The following CELF4 variants were observed in gnomAD, a reference collection of about 807,000 sequenced individuals.
CELF4 encodes CUGBP Elav-like family member 4.
CELF4 carries 18 observed loss-of-function variants against 59.9 expected under a neutral mutation model. That is an observed-to-expected ratio of 0.30 (90% confidence interval 0.21 to 0.45). CELF4 has a LOEUF of 0.45. Ranked by LOEUF, CELF4 falls within the 20% of genes least tolerant of loss-of-function variation. CELF4 has a pLI of 1.00. For synonymous variants in CELF4, 261 were observed against 267.1 expected, an observed-to-expected ratio of 0.98 and a Z score of 0.22; for missense variants, 456 against 689.0, an observed-to-expected ratio of 0.66 and a Z score of 3.79.
chr18:37,297,802 G>C (rs1057396769), intron 3 of CELF4, among the ~76,000 whole-genome samples: 2 of 152,336 alleles, frequency 1.3e-5, no homozygotes, highest in Admixed American at 1.3e-4. Flanking sequence ...CTAGTTGTCT[G>C]TGCCTGGCTT....
intron 3 of CELF4, among the ~76,000 whole-genome samples, chr18:37,319,411 G>T (rs1244854113): frequency 6.6e-6 from 1 of 152,196 alleles, no homozygotes; most frequent in Non-Finnish European, 1.5e-5. Context: ...GAGGAGGTGC[G>T]TCTATGCCCT....
chr18:37,286,098 G>C lies in CELF4; in HGVS notation c.449-10855C>G, dbSNP rs538444749. Among the ~76,000 whole-genome samples the C allele has an allele frequency of 2.7e-3, 408 of 152,250 alleles. 3 individuals are homozygous for C. The highest frequency in any genetic ancestry group is 0.02 in the Middle Eastern group (6 of 294). ...AAGCAGGGCTATTCCAGCATGGGCG[G>C]GGGGAGGTTTCTGCAGGGGAGGAGG... On this transcript the variant is annotated intron_variant, in intron 3 of 12. Transcript: ENST00000420428.
rs1209670779 is a variant in CELF4, at chr18:37,259,022, A to AGCTTCAC, written c.1333+158_1333+159insGTGAAGC. ...GCCATGGAGCAGCTGGGGCGGGGGC[A>AGCTTCAC]ATGTGAAGGAGCAGGTTAAAAGCAG... is the stretch of plus-strand genomic sequence containing the variant. On this transcript the variant is annotated intron_variant, in intron 11 of 12. Coordinates refer to ENST00000420428, the MANE Select transcript of CELF4 (RefSeq NM_020180.4). 14 of 1,051,548 alleles carry AGCTTCAC rather than the reference A, an allele frequency of 1.3e-5. No homozygotes were observed. In the Admixed American group the frequency reaches 1.9e-4, roughly 14 times the overall value. The allele number at this position is 1,051,548 out of a possible 1,614,324, so 65.1% of individuals were successfully genotyped here.
At chr18:37,487,312 C>T (rs938976074) in intron 1 of CELF4, among the ~76,000 whole-genome samples, 4 of 152,134 alleles carry the variant, frequency 2.6e-5, no homozygotes, top group South Asian at 2.1e-4. Context: ...GTGAAAGGAA[C>T]GGAGATGAAA....
At chr18:37,320,713 C>T (rs2097082991) in intron 3 of CELF4, among the ~76,000 whole-genome samples, 1 of 152,186 alleles carries the variant, frequency 6.6e-6, no homozygotes, top group African/African-American at 2.4e-5. Flanking sequence ...GGGCAGGGCC[C>T]AGAGGGGATG....
chr18:37,323,142 G>A (rs1448969401), intron 2 of CELF4, among the ~76,000 whole-genome samples: 1 of 152,114 alleles, frequency 6.6e-6, no homozygotes, highest in Non-Finnish European at 1.5e-5. Flanking sequence ...CTGTGACTCA[G>A]CAAGGTGAGC....
chr18:37,472,852 G>T (rs1046729790), intron 2 of CELF4, among the ~76,000 whole-genome samples: 1 of 152,190 alleles, frequency 6.6e-6, no homozygotes, highest in African/African-American at 2.4e-5. Flanking sequence ...AGCCAAACTG[G>T]CTGGGGCTGA....
chr18:37,511,435 C>T (rs190797909), intron 1 of CELF4, among the ~76,000 whole-genome samples: 1 of 152,258 alleles, frequency 6.6e-6, no homozygotes, highest in East Asian at 1.9e-4. Flanking sequence ...AGGCTCTCCT[C>T]TCAGGCCCAG....
At chr18:37,511,888 A>G (rs2099944763) in intron 1 of CELF4, among the ~76,000 whole-genome samples, 2 of 152,040 alleles carry the variant, frequency 1.3e-5, no homozygotes, top group African/African-American at 2.4e-5. Context: ...TCATTTCTGA[A>G]AGCAACTGTT....
intron 1 of CELF4, among the ~76,000 whole-genome samples, chr18:37,509,970 T>C (rs2099942395): frequency 1.3e-5 from 2 of 152,260 alleles, no homozygotes; most frequent in South Asian, 4.1e-4. Context: ...TCCATGGAGA[T>C]AGAAAGAAGA....
chr18:37,245,871 A>G lies in CELF4; in HGVS notation c.*45-674T>C, dbSNP rs1038215237. ...CATACACACACATAATACTTTTCTC[A>G]TACATGCCAGGGAATTTAGAGGAAT... On this transcript the variant is annotated intron_variant, in intron 12 of 12. Coordinates refer to ENST00000420428, the MANE Select transcript of CELF4 (RefSeq NM_020180.4). The surrounding 1 kb of genome is among the most constrained non-coding windows in gnomAD (Gnocchi z 4.1). Among the ~76,000 whole-genome samples the G allele has an allele frequency of 6.6e-5, 10 of 152,236 alleles. No homozygotes were observed. The highest frequency in any genetic ancestry group is 2.4e-4 in the African/African-American group (10 of 41,464).
chr18:37,287,496 C>A (rs9953908), intron 3 of CELF4, among the ~76,000 whole-genome samples: 1 of 152,218 alleles, frequency 6.6e-6, no homozygotes, highest in Non-Finnish European at 1.5e-5. Context: ...TAGGTCAGCA[C>A]GCGGCTTAGC....
intron 2 of CELF4, among the ~76,000 whole-genome samples, chr18:37,427,373 C>T (rs1049433129): frequency 6.6e-6 from 1 of 152,182 alleles, no homozygotes; most frequent in Non-Finnish European, 1.5e-5. Context: ...ACACCCAACT[C>T]GCCAAACCCA....
chr18:37,485,741 G>T (rs1050563129), intron 1 of CELF4, 134 bp from the exon 2 acceptor site: 4 of 428,878 alleles, frequency 9.3e-6, no homozygotes, highest in Non-Finnish European at 1.6e-5. Flanking sequence ...TTTCTCTCCC[G>T]TGCACTGTTC....
intron 1 of CELF4, among the ~76,000 whole-genome samples, chr18:37,510,396 T>G (rs2099942880): frequency 6.6e-6 from 1 of 152,226 alleles, no homozygotes; most frequent in African/African-American, 2.4e-5. Flanking sequence ...TGATCCACTG[T>G]GCAGATTTGT....
intron 1 of CELF4, among the ~76,000 whole-genome samples, chr18:37,533,232 A>C (rs1475174152): frequency 6.6e-6 from 1 of 152,366 alleles, no homozygotes; most frequent in Non-Finnish European, 1.5e-5. Flanking sequence ...CACAGACATT[A>C]TCCCACGAGC....
chr18:37,534,033 C>T (rs763513486), intron 1 of CELF4, among the ~76,000 whole-genome samples: 1 of 152,226 alleles, frequency 6.6e-6, no homozygotes, highest in African/African-American at 2.4e-5. Context: ...GGACTGTGGA[C>T]CTGGCCGCTG....
At chr18:37,531,539 T>C (rs2099969615) in intron 1 of CELF4, among the ~76,000 whole-genome samples, 1 of 152,200 alleles carries the variant, frequency 6.6e-6, no homozygotes, top group Admixed American at 6.5e-5. Flanking sequence ...TGATTAGCCT[T>C]TGATTAATAA....
At chr18:37,288,100 C>A (rs1441886609) in intron 3 of CELF4, among the ~76,000 whole-genome samples, 3 of 152,230 alleles carry the variant, frequency 2.0e-5, no homozygotes, top group African/African-American at 4.8e-5. Context: ...CAGGTCCCTG[C>A]ATCTCTACAT....
Sources: gnomAD v4.1 joint callset for allele counts (sites outside exome capture counted in the v4.1 genomes callset) on GRCh38, gnomAD v4.1.1 for gene constraint, Gnocchi (gnomAD v3.1) non-coding constraint, MANE v1.5 for transcripts, NCBI Gene and HGNC (gene_info 2026-07-23, HGNC 2026-07-21) for gene names.